The following ROBO2 variants were observed in gnomAD, a reference collection of about 807,000 sequenced individuals.
The protein encoded by ROBO2 is roundabout guidance receptor 2, also known as roundabout homolog 2.
Under a neutral mutation model 160.8 loss-of-function variants are expected in ROBO2, and 53 were observed. The ratio of observed to expected loss-of-function variants is 0.33; its 90% CI spans 0.26 to 0.41. The LOEUF (loss-of-function observed/expected upper bound fraction) is 0.41, where lower values mean the gene tolerates loss of function less well. ROBO2 is among the 10% of genes least tolerant of loss of function. The pLI is 1.00. For missense variants in ROBO2, 1,577 were observed against 1,722.4 expected, an observed-to-expected ratio of 0.92 and a Z score of 1.49; for synonymous variants, 664 against 611.7, an observed-to-expected ratio of 1.09 and a Z score of -1.26.
At chr3:77,632,421 C>A in intron 23 of ROBO2, 1 of 1,348,826 alleles carries the variant, frequency 7.4e-7, no homozygotes, top group Non-Finnish European at 1.0e-6. Flanking sequence ...TGTGTACAAG[C>A]AGATGAGATT....
At chr3:76,682,908 C>T (rs1042958686) in intron 2 of ROBO2, among the ~76,000 whole-genome samples, 5 of 151,994 alleles carry the variant, frequency 3.3e-5, no homozygotes, top group Non-Finnish European at 4.4e-5. Context: ...AGAGAACTGG[C>T]GCTCAGAAGA....
intron 2 of ROBO2, among the ~76,000 whole-genome samples, chr3:77,239,637 C>T (rs1259449555): frequency 3.9e-5 from 6 of 152,112 alleles, no homozygotes; most frequent in East Asian, 1.9e-4. Flanking sequence ...CCGATTGGTG[C>T]GTTTACAATC....
chr3:77,590,561 C>A (rs1394810372), intron 17 of ROBO2, among the ~76,000 whole-genome samples: 2 of 152,076 alleles, frequency 1.3e-5, no homozygotes, highest in Non-Finnish European at 2.9e-5. Context: ...TAAGGAAGAA[C>A]TGATTTAATT....
At position 77,580,129 on chromosome 3, in the gene ROBO2, A is replaced by C; in HGVS notation, c.2500+11A>C. The C allele has an allele frequency of 6.2e-7, 1 of 1,613,428 alleles. No individual in the cohort carries two copies. Among genetic ancestry groups the C allele is most frequent in the Non-Finnish European group, 8.5e-7 (1 of 1,179,450 alleles). On this transcript the variant is annotated intron_variant, in intron 16 of 25. Coordinates refer to ENST00000461745, the Ensembl canonical transcript of ROBO2. Reference sequence around the variant, plus strand: ...AGCCAATAATAATCGGTGAGTATCAAACTATGTGGTCTGTGCTTTAGAATC... The same window carrying C: ...AGCCAATAATAATCGGTGAGTATCACACTATGTGGTCTGTGCTTTAGAATC...
At chr3:76,648,699 G>T (rs763676169) in intron 2 of ROBO2, among the ~76,000 whole-genome samples, 1 of 152,040 alleles carries the variant, frequency 6.6e-6, no homozygotes, top group African/African-American at 2.4e-5. Flanking sequence ...AATGATTGAC[G>T]AAGGGTATAT....
intron 2 of ROBO2, among the ~76,000 whole-genome samples, chr3:76,401,592 T>C (rs143143627): frequency 5.3e-5 from 8 of 151,636 alleles, no homozygotes; most frequent in African/African-American, 1.9e-4. Context: ...TTGAAATTTA[T>C]GATGGTGTTG....
intron 2 of ROBO2, among the ~76,000 whole-genome samples, chr3:76,858,552 C>T (rs545148821): frequency 2.0e-5 from 3 of 152,288 alleles, no homozygotes; most frequent in South Asian, 2.1e-4. Flanking sequence ...GCGTGAGCCA[C>T]GGCACCTGGT....
At chr3:77,284,994 A>C (rs1348442065) in intron 2 of ROBO2, among the ~76,000 whole-genome samples, 1 of 152,184 alleles carries the variant, frequency 6.6e-6, no homozygotes, top group African/African-American at 2.4e-5. Flanking sequence ...ACACACATCA[A>C]CATGGATGAT....
chr3:76,955,288 C>T (rs1470670774), intron 2 of ROBO2, among the ~76,000 whole-genome samples: 1 of 152,086 alleles, frequency 6.6e-6, no homozygotes, highest in African/African-American at 2.4e-5. Context: ...TTGCTTCTGC[C>T]TCTTGGTTAC....
intron 2 of ROBO2, among the ~76,000 whole-genome samples, chr3:76,361,440 A>G (rs960057828): frequency 1.3e-5 from 2 of 152,126 alleles, no homozygotes; most frequent in Non-Finnish European, 2.9e-5. Context: ...AAATTACCCT[A>G]TAGATGTTGA....
intron 1 of ROBO2, among the ~76,000 whole-genome samples, chr3:77,068,378 A>G (rs1187249413): frequency 6.6e-6 from 1 of 152,180 alleles, no homozygotes. Context: ...AAGGGAAGTG[A>G]TAGAAGCCAT....
chr3:76,151,489 T>A (rs1277777565), intron 2 of ROBO2, among the ~76,000 whole-genome samples: 2 of 152,198 alleles, frequency 1.3e-5, no homozygotes, highest in Non-Finnish European at 2.9e-5. Flanking sequence ...TTTGCCAGGC[T>A]ATAGCTTTGA....
intron 2 of ROBO2, among the ~76,000 whole-genome samples, chr3:76,340,134 C>T (rs536328622): frequency 1.2e-3 from 183 of 149,806 alleles, no homozygotes; most frequent in African/African-American, 4.3e-3. Flanking sequence ...AATATAATTA[C>T]GTAATAAGAA....
chr3:77,446,742 C>T (rs1344593681), intron 2 of ROBO2, among the ~76,000 whole-genome samples: 1 of 151,952 alleles, frequency 6.6e-6, no homozygotes, highest in Non-Finnish European at 1.5e-5. Flanking sequence ...CACCAATACA[C>T]AAAACTATTG....
intron 2 of ROBO2, among the ~76,000 whole-genome samples, chr3:76,678,927 ATTTAC>A (rs2092483236): frequency 6.6e-6 from 1 of 152,140 alleles, no homozygotes; most frequent in African/African-American, 2.4e-5. Flanking sequence ...CTCATTACTT[ATTTAC>A]TTATAGCACA....
chr3:76,137,963 C>A (rs1231615807), intron 2 of ROBO2, among the ~76,000 whole-genome samples: 1 of 151,944 alleles, frequency 6.6e-6, no homozygotes, highest in African/African-American at 2.4e-5. Context: ...ATTACATCTG[C>A]AAAATATCCT....
chr3:77,642,803 G>T (rs1311453581), intron 24 of ROBO2: 1 of 456,718 alleles, frequency 2.2e-6, no homozygotes, highest in Non-Finnish European at 4.4e-6. Context: ...CATGCATCCA[G>T]CTTAGAAGAC....
chr3:77,104,849 C>T (rs1467575089), intron 2 of ROBO2, among the ~76,000 whole-genome samples: 2 of 152,082 alleles, frequency 1.3e-5, no homozygotes, highest in African/African-American at 4.8e-5. Context: ...AAATATAGAA[C>T]AATTAACCAT....
intron 2 of ROBO2, among the ~76,000 whole-genome samples, chr3:76,567,650 T>TAC (rs1553805721): frequency 1.6e-4 from 14 of 87,198 alleles, no homozygotes; most frequent in South Asian, 3.8e-4. Flanking sequence ...TATATATATA[T>TAC]ATACACATAC....
Sources: gnomAD v4.1 joint callset for allele counts (sites outside exome capture counted in the v4.1 genomes callset) on GRCh38, gnomAD v4.1.1 for gene constraint, MANE v1.5 for transcripts, NCBI Gene and HGNC (gene_info 2026-07-23, HGNC 2026-07-21) for gene names.